The following FYB1 variants were observed in gnomAD, a reference collection of about 807,000 sequenced individuals.
FYB1 encodes FYN-binding protein 1.
Under a neutral mutation model 94.1 loss-of-function variants are expected in FYB1, and 41 were observed. That is an observed-to-expected ratio of 0.44 (90% CI 0.34 to 0.57). FYB1 has a LOEUF of 0.57. FYB1 is among the 20% of genes least tolerant of loss of function. The pLI, the probability that FYB1 is intolerant of heterozygous loss-of-function variation, is 0.02. For missense variants in FYB1, 1,050 were observed against 976.8 expected (o/e 1.07, Z -1.00); for synonymous variants, 367 against 353.2 (o/e 1.04, Z -0.44).
chr5:39,107,483 A>C lies in FYB1; in HGVS notation c.2468-18T>G. On this transcript the variant is annotated intron_variant, in intron 18 of 18. Transcript: ENST00000512982. ...GATGCAGCCTGAAAGGAAAAAATAC[A>C]AATTTAAATATAGTTATTAAAAACA... is the stretch of plus-strand genomic sequence containing the variant. 2 of 1,491,116 alleles carry C rather than the reference A, an allele frequency of 1.3e-6. No homozygotes were observed. The highest frequency in any genetic ancestry group is 1.8e-6 in the Non-Finnish European group (2 of 1,105,508). 92.4% of individuals were successfully genotyped at this position (1,491,116 alleles called of 1,614,324 possible).
intron 1 of FYB1, among the ~76,000 whole-genome samples, chr5:39,249,878 C>T (rs1751642464): frequency 6.6e-6 from 1 of 152,142 alleles, no homozygotes; most frequent in Admixed American, 6.5e-5. Context: ...CCACCCAAAT[C>T]TCATCTCAAA....
chr5:39,262,438 T>C (rs1311824615), intron 1 of FYB1, among the ~76,000 whole-genome samples: 1 of 152,160 alleles, frequency 6.6e-6, no homozygotes, highest in Admixed American at 6.5e-5. Context: ...AAAACAATAA[T>C]GAAGTACAGT....
intron 1 of FYB1, among the ~76,000 whole-genome samples, chr5:39,243,246 T>A (rs1175938377): frequency 1.3e-5 from 2 of 151,986 alleles, no homozygotes; most frequent in East Asian, 3.9e-4. Context: ...ATTGCTTAGG[T>A]TTTCTTCTAG....
chr5:39,171,061 A>G (rs1401929608), intron 2 of FYB1, among the ~76,000 whole-genome samples: 1 of 151,966 alleles, frequency 6.6e-6, no homozygotes, highest in African/African-American at 2.4e-5. Flanking sequence ...GCTGAGGCGG[A>G]GGGGTGACAT....
intron 1 of FYB1, among the ~76,000 whole-genome samples, chr5:39,266,818 T>C (rs563311684): frequency 3.3e-5 from 5 of 152,138 alleles, no homozygotes; most frequent in Non-Finnish European, 5.9e-5. Flanking sequence ...ATAGTGACCA[T>C]AGCAGAAGCA....
chr5:39,201,880 T>G lies in FYB1; in HGVS notation c.1081A>C (p.Asn361His). The part of the protein sequence containing the change: ...FTLGPPPPKP[N>H]RPPNVDLTKF... ...GTCAGGTCAACATTTGGTGGTCTGTTGGGTTTTGGTGGAGGTGGACCCAAG... is the reference window on the plus strand; with the variant it reads ...GTCAGGTCAACATTTGGTGGTCTGTGGGGTTTTGGTGGAGGTGGACCCAAG... The change falls in exon 2 of 19, where the codon AAC becomes CAC. Residue 361 changes from asparagine (N) to histidine (H), a missense_variant. Transcript: ENST00000512982. 6.2e-7 allele frequency: 1 copy of G among 1,614,004 alleles called. No individual in the cohort carries two copies. Among genetic ancestry groups the G allele is most frequent in the Non-Finnish European group, 8.5e-7 (1 of 1,179,870 alleles).
chr5:39,167,635 A>G (rs989928232), intron 2 of FYB1, among the ~76,000 whole-genome samples: 1 of 152,216 alleles, frequency 6.6e-6, no homozygotes, highest in Admixed American at 6.5e-5. Context: ...TTGACTAAAA[A>G]CAATGTAATG....
intron 1 of FYB1, among the ~76,000 whole-genome samples, chr5:39,255,704 A>C (rs1751910060): frequency 6.6e-6 from 1 of 152,268 alleles, no homozygotes; most frequent in Non-Finnish European, 1.5e-5. Flanking sequence ...GTATACTTTA[A>C]AGCCAAAGGG....
chr5:39,227,225 G>A (rs1750513988), intron 1 of FYB1, among the ~76,000 whole-genome samples: 1 of 151,742 alleles, frequency 6.6e-6, no homozygotes, highest in Non-Finnish European at 1.5e-5. Flanking sequence ...TAAAAATCAA[G>A]TGTAATACAT....
chr5:39,121,236 AC>A (rs1239565632), intron 14 of FYB1, among the ~76,000 whole-genome samples: 1 of 149,384 alleles, frequency 6.7e-6, no homozygotes, highest in Admixed American at 6.7e-5. Flanking sequence ...TTGAAACACC[AC>A]TGGTGAGAAA....
intron 1 of FYB1, among the ~76,000 whole-genome samples, chr5:39,234,271 T>C (rs1391896593): frequency 6.6e-6 from 1 of 152,116 alleles, no homozygotes; most frequent in Non-Finnish European, 1.5e-5. Context: ...ATATTACTGA[T>C]CCTTAAAATG....
intron 1 of FYB1, among the ~76,000 whole-genome samples, chr5:39,247,605 T>A (rs905943074): frequency 1.3e-5 from 2 of 152,144 alleles, no homozygotes; most frequent in African/African-American, 4.8e-5. Flanking sequence ...AAGTGCAACT[T>A]CTAGAAAATA....
At chr5:39,134,801 G>T in intron 8 of FYB1, 54 bp downstream of exon 8, 31 of 1,584,184 alleles carry the variant, frequency 2.0e-5, no homozygotes, top group Non-Finnish European at 2.6e-5. Flanking sequence ...TATGTACATT[G>T]AATATTGCCT....
rs1752296471 is a variant in FYB1, at chr5:39,263,165, T to G, written c.-28+11238A>C. 2.6e-5 allele frequency among the ~76,000 whole-genome samples: 4 copies of G among 151,298 alleles called. No homozygotes were observed. The South Asian group carries it at 8.3e-4, about 32-fold the overall frequency. ...GAATGGAGTGCTAGAATTGGGGAAG[T>G]GATATTGAAGTTGCCGAATCAAGAA... is the stretch of plus-strand genomic sequence containing the variant. On this transcript the variant is annotated intron_variant, in intron 1 of 1. Transcript: ENST00000510188.
At chr5:39,252,673 G>A (rs557435971) in intron 1 of FYB1, among the ~76,000 whole-genome samples, 2 of 151,854 alleles carry the variant, frequency 1.3e-5, no homozygotes, top group South Asian at 4.2e-4. Context: ...GAAACAGCAA[G>A]TTCTCTTTGT....
intron 1 of FYB1, among the ~76,000 whole-genome samples, chr5:39,233,731 T>G (rs1252981848): frequency 6.6e-6 from 1 of 152,154 alleles, no homozygotes; most frequent in East Asian, 1.9e-4. Context: ...ATTCAGTCTG[T>G]TGTGGCATAT....
chr5:39,154,121 A>G (rs74691976), intron 2 of FYB1, among the ~76,000 whole-genome samples: 8,237 of 152,164 alleles, frequency 0.054, 729 homozygotes, highest in African/African-American at 0.19. Context: ...TGTATTACAT[A>G]TATGTATATA....
intron 2 of FYB1, among the ~76,000 whole-genome samples, chr5:39,167,346 T>A (rs1744833133): frequency 1.3e-5 from 2 of 152,152 alleles, no homozygotes; most frequent in African/African-American, 2.4e-5. Flanking sequence ...CATGACTCAT[T>A]TCTGGAAGAA....
At position 39,172,601 on chromosome 5, in the gene FYB1, C is replaced by T. The variant is rs987761202; in HGVS notation, c.1136-18997G>A. Among the ~76,000 whole-genome samples the T allele has an allele frequency of 3.3e-5, 5 of 152,286 alleles. No individual in the cohort carries two copies. The South Asian group carries it at 8.3e-4, about 25-fold the overall frequency. ...TTCTTGAGCCCACACCTTCCTCCCT[C>T]CCTCCTGTGTCTAGTGGTCCCCAGG... is the stretch of plus-strand genomic sequence containing the variant. On this transcript the variant is annotated intron_variant, in intron 2 of 18. Transcript: ENST00000512982.
Sources: allele counts gnomAD v4.1 joint callset (sites outside exome capture counted in the v4.1 genomes callset), GRCh38; gene constraint gnomAD v4.1.1; transcripts MANE v1.5; gene names NCBI Gene and HGNC (gene_info 2026-07-23, HGNC 2026-07-21).